Variants in CYRIA observed in about 807,000 individuals in gnomAD.
The protein encoded by CYRIA is CYFIP related Rac1 interactor A.
In CYRIA, 15 loss-of-function variants were observed where a neutral mutation model predicts 43.9. That is an observed-to-expected ratio of 0.34 (90% confidence interval 0.23 to 0.53). CYRIA has a LOEUF of 0.53. Ranked by LOEUF, CYRIA falls within the 20% of genes least tolerant of loss-of-function variation. CYRIA has a pLI of 0.94. For synonymous variants in CYRIA, 117 were observed against 136.0 expected (o/e 0.86, Z 0.97); for missense variants, 236 against 394.2 (o/e 0.60, Z 3.40).
chr2:16,592,759 G>T (rs1278550127), intron 2 of CYRIA, among the ~76,000 whole-genome samples: 3 of 151,884 alleles, frequency 2.0e-5, no homozygotes, highest in Non-Finnish European at 4.4e-5. Flanking sequence ...TCTTTGTCTT[G>T]ACTCTCTCTT....
intron 1 of CYRIA, among the ~76,000 whole-genome samples, chr2:16,651,340 T>G (rs1669971496): frequency 6.6e-6 from 1 of 152,138 alleles, no homozygotes; most frequent in Non-Finnish European, 1.5e-5. Context: ...CCTAGAAAAA[T>G]TAGGTAAACA....
intron 2 of CYRIA, among the ~76,000 whole-genome samples, chr2:16,604,239 G>A (rs932331693): frequency 6.6e-6 from 1 of 152,230 alleles, no homozygotes; most frequent in Non-Finnish European, 1.5e-5. Context: ...GACTGGATGT[G>A]ATTTTAGGAG....
At chr2:16,633,624 G>A (rs1669404052) in intron 1 of CYRIA, among the ~76,000 whole-genome samples, 1 of 126,822 alleles carries the variant, frequency 7.9e-6, no homozygotes, top group Non-Finnish European at 1.5e-5. Flanking sequence ...CAAACTATCT[G>A]CCAGTCTCAG....
chr2:16,599,598 G>A (rs1668128139), intron 2 of CYRIA, among the ~76,000 whole-genome samples: 1 of 139,482 alleles, frequency 7.2e-6, no homozygotes, highest in African/African-American at 2.8e-5. Context: ...GCTCGCGCAC[G>A]GTGCGCACAC....
At chr2:16,662,115 G>T (rs1670272352) in intron 1 of CYRIA, among the ~76,000 whole-genome samples, 1 of 152,050 alleles carries the variant, frequency 6.6e-6, no homozygotes, top group Non-Finnish European at 1.5e-5. Context: ...TTGTGGTATT[G>T]TAGAACATAG....
chr2:16,606,822 C>T (rs1668415462), intron 2 of CYRIA, among the ~76,000 whole-genome samples: 1 of 152,086 alleles, frequency 6.6e-6, no homozygotes, highest in African/African-American at 2.4e-5. Flanking sequence ...GTTGAGTTTT[C>T]TTAAACTGGA....
At chr2:16,653,254 C>T (rs1207514642) in intron 1 of CYRIA, among the ~76,000 whole-genome samples, 1 of 152,236 alleles carries the variant, frequency 6.6e-6, no homozygotes, top group Non-Finnish European at 1.5e-5. Flanking sequence ...CAACCGGTCA[C>T]TTGTCCACTC....
In CYRIA at chr2:16,549,729, C is replaced by T. The variant is rs531800810; in HGVS notation, c.*3207G>A. 3 of 152,202 alleles carry T rather than the reference C, an allele frequency of 2.0e-5. No individual in the cohort carries two copies. Among genetic ancestry groups the T allele is most frequent in the African/African-American group, 7.2e-5 (3 of 41,544 alleles). 9.4% of individuals were successfully genotyped at this position (152,202 alleles called of 1,614,324 possible). ...TAGGATACAAGATTGAATGAGAAGT[C>T]TCTGAATTCTACTGCACAATTGGAT... On this transcript the variant is annotated 3_prime_UTR_variant, in exon 12 of 12. Transcript: ENST00000381323.
chr2:16,609,345 G>C (rs2103488159), intron 2 of CYRIA, among the ~76,000 whole-genome samples: 1 of 152,304 alleles, frequency 6.6e-6, no homozygotes, highest in Admixed American at 6.5e-5. Context: ...ATAGGCATGA[G>C]CTTTTTTGTC....
intron 1 of CYRIA, among the ~76,000 whole-genome samples, chr2:16,633,157 C>G (rs1403769728): frequency 2.0e-5 from 3 of 152,190 alleles, no homozygotes; most frequent in African/African-American, 7.2e-5. Flanking sequence ...TATGTTAACT[C>G]CCAGCTTAAG....
chr2:16,612,976 G>A (rs552738516), intron 2 of CYRIA, among the ~76,000 whole-genome samples: 5 of 152,296 alleles, frequency 3.3e-5, no homozygotes, highest in East Asian at 1.9e-4. Context: ...GAGTTCCCCC[G>A]CACAAGCTTT....
intron 1 of CYRIA, among the ~76,000 whole-genome samples, chr2:16,664,664 G>T (rs970085763): frequency 5.3e-5 from 8 of 152,184 alleles, no homozygotes; most frequent in African/African-American, 1.9e-4. Context: ...CAGGGTCCCA[G>T]ATCAGCATTC....
intron 2 of CYRIA, among the ~76,000 whole-genome samples, chr2:16,613,332 G>A (rs911769434): frequency 1.3e-5 from 2 of 152,168 alleles, no homozygotes; most frequent in African/African-American, 4.8e-5. Flanking sequence ...TTTTCATAAT[G>A]CATACCTGAG....
chr2:16,632,964 C>G (rs1358179548), intron 1 of CYRIA, among the ~76,000 whole-genome samples: 1 of 152,080 alleles, frequency 6.6e-6, no homozygotes, highest in Non-Finnish European at 1.5e-5. Flanking sequence ...GGGTGCACAC[C>G]CTCCACCCCA....
rs73211550 is a variant in CYRIA at position 16,584,294 on chromosome 2, C to A, written c.70+3756G>T. 2.6e-5 allele frequency among the ~76,000 whole-genome samples: 4 copies of A among 152,204 alleles called. No individual in the cohort carries two copies. In the East Asian group the frequency reaches 7.8e-4, roughly 30 times the overall value. ...TTGATCACATGTGCTCTTGTGACTG[C>A]CTGGATAGAGCCCGCTTCACTCTGT... On this transcript the variant is annotated intron_variant, in intron 3 of 11. Coordinates refer to ENST00000381323, the MANE Select transcript of CYRIA (RefSeq NM_030797.4).
At chr2:16,559,367 T>C in intron 10 of CYRIA, 93 bp downstream of exon 10, 1 of 1,410,502 alleles carries the variant, frequency 7.1e-7, no homozygotes, top group Non-Finnish European at 9.6e-7. Context: ...TCACTCTCAG[T>C]GGAGAGGTCC....
intron 1 of CYRIA, among the ~76,000 whole-genome samples, chr2:16,656,864 C>T (rs1670127730): frequency 6.6e-6 from 1 of 152,126 alleles, no homozygotes; most frequent in Non-Finnish European, 1.5e-5. Flanking sequence ...GAATGGCAGT[C>T]GAGTCACCAG....
chr2:16,570,700 G>A (rs1402041253), intron 3 of CYRIA, among the ~76,000 whole-genome samples: 5 of 152,200 alleles, frequency 3.3e-5, no homozygotes, highest in African/African-American at 9.7e-5. Flanking sequence ...GAGGAGCTGT[G>A]AACTGTGTGC....
intron 10 of CYRIA, among the ~76,000 whole-genome samples, chr2:16,557,934 T>C (rs1401274298): frequency 7.9e-5 from 12 of 152,156 alleles, no homozygotes; most frequent in Non-Finnish European, 1.3e-4. Flanking sequence ...CAATCTATAG[T>C]ATGAAAATGT....
Sources: gnomAD v4.1 joint callset for allele counts (sites outside exome capture counted in the v4.1 genomes callset) on GRCh38, gnomAD v4.1.1 for gene constraint, MANE v1.5 for transcripts, NCBI Gene and HGNC (gene_info 2026-07-23, HGNC 2026-07-21) for gene names.